Variants in ZC4H2 observed in about 807,000 individuals in gnomAD.
ZC4H2 encodes zinc finger C4H2 domain-containing protein.
For missense variants in ZC4H2, 137 were observed against 173.9 expected (o/e 0.79, Z 1.19); for synonymous variants, 84 against 66.3 (o/e 1.27, Z -1.30).
chrX:64,988,413 T>C (rs781226367), intron 1 of ZC4H2, among the ~76,000 whole-genome samples: 1 of 111,642 alleles, frequency 9.0e-6, no homozygotes, highest in Admixed American at 9.5e-5. Flanking sequence ...CCTGACTTTT[T>C]AATGATAGCC....
At chrX:65,022,933 T>G (rs147689324) in intron 1 of ZC4H2, among the ~76,000 whole-genome samples, 67 of 112,100 alleles carry the variant, frequency 6.0e-4, no homozygotes, top group African/African-American at 2.1e-3. Flanking sequence ...CTTCATTGCT[T>G]CTTTTTATCA....
At chrX:64,965,555 A>C (rs1475805505) in intron 1 of ZC4H2, 1 of 293,907 alleles carries the variant, frequency 3.4e-6, no homozygotes, top group South Asian at 3.1e-5. Flanking sequence ...ATCTTTGTGA[A>C]TACGACTTAG....
intron 1 of ZC4H2, among the ~76,000 whole-genome samples, chrX:64,924,181 C>T (rs1231150966): frequency 1.8e-5 from 2 of 111,802 alleles, no homozygotes; most frequent in Non-Finnish European, 1.9e-5. Flanking sequence ...GAACCTATTT[C>T]TGCAGACAAA....
At chrX:64,994,084 A>C in intron 1 of ZC4H2, among the ~76,000 whole-genome samples, 1 of 112,485 alleles carries the variant, frequency 8.9e-6, no homozygotes, top group Non-Finnish European at 1.9e-5. Context: ...CAAGTATTTT[A>C]TTTTGCAGTT....
intron 1 of ZC4H2, among the ~76,000 whole-genome samples, chrX:65,007,386 T>C (rs898039659): frequency 1.8e-5 from 2 of 112,305 alleles, no homozygotes; most frequent in Admixed American, 9.5e-5. Context: ...AAGTTTTTAT[T>C]GTTGTAGACT....
intron 1 of ZC4H2, among the ~76,000 whole-genome samples, chrX:64,999,338 G>C (rs1932488573): frequency 9.0e-6 from 1 of 111,698 alleles, no homozygotes; most frequent in South Asian, 3.7e-4. Flanking sequence ...AAGCACAAAG[G>C]GTTGGGGAAC....
chrX:64,987,232 C>G (rs1932206478), intron 1 of ZC4H2, among the ~76,000 whole-genome samples: 1 of 111,012 alleles, frequency 9.0e-6, no homozygotes, highest in African/African-American at 3.3e-5. Context: ...CTGGCCGACA[C>G]AGACAAGATA....
intron 1 of ZC4H2, among the ~76,000 whole-genome samples, chrX:64,974,010 T>C (rs896176884): frequency 8.9e-6 from 1 of 112,024 alleles, no homozygotes; most frequent in African/African-American, 3.2e-5. Flanking sequence ...GTTTATGTCT[T>C]TTGCACAATT....
At chrX:64,923,925 G>C (rs1390434580) in intron 1 of ZC4H2, among the ~76,000 whole-genome samples, 1 of 111,123 alleles carries the variant, frequency 9.0e-6, no homozygotes, top group Non-Finnish European at 1.9e-5. Context: ...AAACATCAAG[G>C]GTTCTTGTTA....
At chrX:64,948,520 T>C (rs781258433) in intron 1 of ZC4H2, among the ~76,000 whole-genome samples, 1 of 111,909 alleles carries the variant, frequency 8.9e-6, no homozygotes, top group Non-Finnish European at 1.9e-5. Context: ...ATTTTTAATT[T>C]CTGAAGAACT....
At chrX:65,021,943 C>G (rs938623992) in intron 1 of ZC4H2, among the ~76,000 whole-genome samples, 98 of 111,766 alleles carry the variant, frequency 8.8e-4, no homozygotes, top group African/African-American at 3.0e-3. Context: ...GGAGAAATTC[C>G]TGGACACATA....
At chrX:64,954,362 A>ATACAAT (rs1931054437) in intron 1 of ZC4H2, among the ~76,000 whole-genome samples, 1 of 76,981 alleles carries the variant, frequency 1.3e-5, no homozygotes, top group African/African-American at 8.2e-5. Context: ...ATAATTATAT[A>ATACAAT]TATATATATA....
chrX:65,018,923 T>C (rs901941024), intron 1 of ZC4H2, among the ~76,000 whole-genome samples: 4 of 111,294 alleles, frequency 3.6e-5, no homozygotes, highest in Admixed American at 2.8e-4. Flanking sequence ...TGCCAGGAAG[T>C]TTGAACTGGA....
intron 1 of ZC4H2, among the ~76,000 whole-genome samples, chrX:64,975,765 T>C (rs752640168): frequency 4.2e-4 from 46 of 110,117 alleles, no homozygotes; most frequent in African/African-American, 1.5e-3. Flanking sequence ...CCCATCCCCC[T>C]CCCAAGCGCG....
intron 1 of ZC4H2, among the ~76,000 whole-genome samples, chrX:65,018,848 G>C (rs1458011941): frequency 9.0e-6 from 1 of 111,556 alleles, no homozygotes; most frequent in Non-Finnish European, 1.9e-5. Context: ...GCTTGGTGGG[G>C]GGAGGGGCGT....
chrX:64,999,311 G>A (rs1932487789), intron 1 of ZC4H2, among the ~76,000 whole-genome samples: 1 of 111,300 alleles, frequency 9.0e-6, no homozygotes, highest in African/African-American at 3.3e-5. Flanking sequence ...GCAGGGTGGG[G>A]TATTGCCTCA....
At chrX:64,949,975 G>C (rs879962695) in intron 1 of ZC4H2, among the ~76,000 whole-genome samples, 2 of 111,695 alleles carry the variant, frequency 1.8e-5, no homozygotes, top group Non-Finnish European at 3.8e-5. Flanking sequence ...ACTTTCTCTT[G>C]TGGGCATTTA....
chrX:65,016,203 T>C (rs1932796218), intron 1 of ZC4H2, among the ~76,000 whole-genome samples: 1 of 110,996 alleles, frequency 9.0e-6, no homozygotes, highest in Non-Finnish European at 1.9e-5. Context: ...CAGCTTCAGG[T>C]GAGATACTAA....
intron 1 of ZC4H2, among the ~76,000 whole-genome samples, chrX:65,023,504 A>C: frequency 8.9e-6 from 1 of 112,080 alleles, no homozygotes; most frequent in Non-Finnish European, 1.9e-5. Flanking sequence ...ACATATAAAA[A>C]AAAGCTCATC....
Sources: allele counts gnomAD v4.1 joint callset (sites outside exome capture counted in the v4.1 genomes callset), GRCh38; gene constraint gnomAD v4.1.1; transcripts MANE v1.5; gene names NCBI Gene and HGNC (gene_info 2026-07-23, HGNC 2026-07-21).